Variants in WDR59 observed in about 807,000 individuals in gnomAD.
WDR59 encodes WD repeat domain 59.
Under a neutral mutation model 131.2 loss-of-function variants are expected in WDR59, and 100 were observed. That is an observed-to-expected ratio of 0.76 (90% CI 0.65 to 0.90). WDR59 has a LOEUF of 0.90. Ranked by LOEUF, WDR59 falls within the 40% of genes least tolerant of loss-of-function variation. WDR59 has a pLI of 0.00. For synonymous variants in WDR59, 601 were observed against 466.2 expected, an observed-to-expected ratio of 1.29 and a Z score of -3.72; for missense variants, 1,203 against 1,262.2, an observed-to-expected ratio of 0.95 and a Z score of 0.71.
chr16:74,985,019 T>C lies in WDR59; in HGVS notation c.-2A>G. ...TTCGCTGCTCCATCGCGCCGCCATC[T>C]CCCCCGCCCGGCCGCCGCGGCCCCA... On this transcript the variant is annotated 5_prime_UTR_variant, in exon 1 of 26. Transcript: ENST00000262144. 6.4e-7 allele frequency: 1 copy of C among 1,574,034 alleles called. No homozygotes were observed. Among genetic ancestry groups the C allele is most frequent in the Non-Finnish European group, 8.6e-7 (1 of 1,159,722 alleles).
chr16:74,980,257 T>C (rs964934266), intron 1 of WDR59, among the ~76,000 whole-genome samples: 1 of 151,802 alleles, frequency 6.6e-6, no homozygotes, highest in African/African-American at 2.4e-5. Flanking sequence ...GTGACAGTAA[T>C]AGCCCAAAGC....
chr16:74,971,187 T>G (rs2033968065), intron 1 of WDR59, among the ~76,000 whole-genome samples: 1 of 152,144 alleles, frequency 6.6e-6, no homozygotes, highest in South Asian at 2.1e-4. Flanking sequence ...CCTTAATAAT[T>G]TATCACCCAC....
chr16:74,902,205 G>A (rs571511954), intron 18 of WDR59, among the ~76,000 whole-genome samples: 9 of 152,172 alleles, frequency 5.9e-5, no homozygotes, highest in African/African-American at 2.2e-4. Flanking sequence ...TATAATCAAA[G>A]CATCACCCCA....
chr16:74,873,564 A>G lies in WDR59; in HGVS notation c.*645T>C, dbSNP rs1964056849. 1.3e-5 allele frequency: 2 copies of G among 150,898 alleles called. No individual in the cohort carries two copies. The highest frequency in any genetic ancestry group is 3.5e-3 in the Middle Eastern group (1 of 288). The allele number at this position is 150,898 out of a possible 1,614,324, so 9.3% of individuals were successfully genotyped here. On this transcript the variant is annotated 3_prime_UTR_variant, in exon 26 of 26. Coordinates refer to ENST00000262144, the MANE Select transcript of WDR59 (RefSeq NM_030581.4). The stretch of plus-strand genomic sequence containing the variant: ...GAATTAGGGTAAAAAATGATTCACC[A>G]TAATGTTGTTTAACTTTCTCTCTTT...
intron 20 of WDR59, among the ~76,000 whole-genome samples, chr16:74,890,848 G>A (rs556195725): frequency 1.3e-5 from 2 of 152,182 alleles, no homozygotes; most frequent in East Asian, 3.9e-4. Flanking sequence ...GGGCCCTGTG[G>A]CTCACGCCTG....
intron 1 of WDR59, among the ~76,000 whole-genome samples, chr16:74,967,074 T>G (rs994313959): frequency 6.6e-6 from 1 of 152,216 alleles, no homozygotes; most frequent in Non-Finnish European, 1.5e-5. Context: ...TTATACATTC[T>G]GCGACAATCA....
At chr16:74,941,684 T>G (rs965685988) in intron 7 of WDR59, among the ~76,000 whole-genome samples, 7 of 130,846 alleles carry the variant, frequency 5.3e-5, no homozygotes, top group Non-Finnish European at 1.1e-4. Context: ...AGAATGAGAC[T>G]CTGTCTCAAG....
intron 8 of WDR59, among the ~76,000 whole-genome samples, chr16:74,929,128 G>A (rs1038802304): frequency 6.6e-6 from 1 of 152,146 alleles, no homozygotes; most frequent in Non-Finnish European, 1.5e-5. Context: ...GGGCTGGAGT[G>A]CAGTGGTACA....
intron 1 of WDR59, among the ~76,000 whole-genome samples, chr16:74,968,111 G>T (rs2033845678): frequency 6.6e-6 from 1 of 152,146 alleles, no homozygotes; most frequent in South Asian, 2.1e-4. Context: ...AAGTAGAATG[G>T]AGGTTGCCAG....
At chr16:74,879,683 T>A (rs930835612) in intron 25 of WDR59, among the ~76,000 whole-genome samples, 1 of 152,176 alleles carries the variant, frequency 6.6e-6, no homozygotes, top group Non-Finnish European at 1.5e-5. Flanking sequence ...GGAAATAGTA[T>A]CTTGTTCTAA....
At position 74,871,731 on chromosome 16, in the gene WDR59, C is replaced by T. The variant is rs1964015726; in HGVS notation, c.*2478G>A. On this transcript the variant is annotated 3_prime_UTR_variant, in exon 26 of 26. Coordinates refer to ENST00000262144, the MANE Select transcript of WDR59 (RefSeq NM_030581.4). ...ATTTCACTGAGGAACACAACAGATC[C>T]TTTCTCTCTGTGTAAATCAGCCAAC... 1 of 152,194 alleles carries T rather than the reference C, an allele frequency of 6.6e-6. No homozygotes were observed. The highest frequency in any genetic ancestry group is 2.1e-4 in the South Asian group (1 of 4,828). The allele number at this position is 152,194 out of a possible 1,614,324, so 9.4% of individuals were successfully genotyped here. A position where few individuals can be genotyped will look rare whatever the true frequency, so the allele number is the denominator to read the frequency against.
chr16:74,946,548 C>A (rs1404035086), intron 6 of WDR59, among the ~76,000 whole-genome samples: 4 of 152,062 alleles, frequency 2.6e-5, no homozygotes, highest in African/African-American at 7.2e-5. Flanking sequence ...AAGGTAAAAC[C>A]CTGTCTCTAC....
In WDR59 at chr16:74,887,715, T is replaced by C; in HGVS notation, c.2387A>G (p.Asp796Gly). 1.2e-6 allele frequency: 2 copies of C among 1,614,094 alleles called. No individual in the cohort carries two copies. Among genetic ancestry groups the C allele is most frequent in the South Asian group, 1.1e-5 (1 of 91,082 alleles). ...CCAGCCGCCAGTGTTGAGCCCTGGG[T>C]CTGACATACTGGAGCAGGAACCAGA... The part of the protein sequence containing the change: ...TSSGSCSSMS[D>G]PGLNTGGWNI... Residue 796 changes from aspartate to glycine, a missense_variant, in exon 23 of 26, where the codon GAC becomes GGC. Coordinates refer to ENST00000262144, the MANE Select transcript of WDR59 (RefSeq NM_030581.4).
intron 12 of WDR59, 34 bp from the exon 13 acceptor site, chr16:74,916,028 ATT>A (rs1567716417): frequency 6.2e-7 from 1 of 1,613,996 alleles, no homozygotes; most frequent in South Asian, 1.1e-5. Flanking sequence ...GTTGGAAAGC[ATT>A]TTTGAAAATG....
At chr16:74,981,032 A>G (rs1025923167) in intron 1 of WDR59, among the ~76,000 whole-genome samples, 1 of 149,798 alleles carries the variant, frequency 6.7e-6, no homozygotes, top group East Asian at 2.1e-4. Context: ...GTTCAAGACC[A>G]GCCTGAACAA....
At chr16:74,944,554 CACA>C (rs1477739356) in intron 6 of WDR59, among the ~76,000 whole-genome samples, 8 of 151,754 alleles carry the variant, frequency 5.3e-5, no homozygotes, top group Admixed American at 2.6e-4. Flanking sequence ...CTGGAATACT[CACA>C]ACGTGACTCC....
chr16:74,979,344 T>C (rs1312295407), intron 1 of WDR59, among the ~76,000 whole-genome samples: 1 of 151,522 alleles, frequency 6.6e-6, no homozygotes, highest in Non-Finnish European at 1.5e-5. Flanking sequence ...CGGGCGCCTG[T>C]AGTCCCAGCT....
chr16:74,880,087 G>A (rs1228522328), intron 25 of WDR59, among the ~76,000 whole-genome samples: 1 of 151,988 alleles, frequency 6.6e-6, no homozygotes, highest in Admixed American at 6.6e-5. Flanking sequence ...GATATACATG[G>A]ATAGATCAGA....
At chr16:74,891,112 C>CAAA (rs1220561474) in intron 20 of WDR59, among the ~76,000 whole-genome samples, 9 of 65,428 alleles carry the variant, frequency 1.4e-4, no homozygotes, top group Middle Eastern at 9.3e-3. Flanking sequence ...GACTCTGTCT[C>CAAA]AAAAAAAAAA....
Sources: allele counts gnomAD v4.1 joint callset (sites outside exome capture counted in the v4.1 genomes callset), GRCh38; gene constraint gnomAD v4.1.1; transcripts MANE v1.5; gene names NCBI Gene and HGNC (gene_info 2026-07-23, HGNC 2026-07-21).